Variants in IL17REL observed in about 807,000 individuals in gnomAD.
IL17REL encodes the protein interleukin 17 receptor E like.
Under a neutral mutation model 49.0 loss-of-function variants are expected in IL17REL, and 36 were observed. The ratio of observed to expected loss-of-function variants is 0.73; its 90% CI spans 0.56 to 0.97. IL17REL has a LOEUF of 0.97. Ranked by LOEUF, IL17REL falls within the 50% of genes least tolerant of loss-of-function variation. The pLI, the probability that IL17REL is intolerant of heterozygous loss-of-function variation, is 0.00. For missense variants in IL17REL, 470 were observed against 453.9 expected, an observed-to-expected ratio of 1.04 and a Z score of -0.32; for synonymous variants, 206 against 192.4, an observed-to-expected ratio of 1.07 and a Z score of -0.58.
exon 11 of IL17REL, chr22:49,997,354 C>G: frequency 6.2e-7 from 1 of 1,613,742 alleles, no homozygotes; most frequent in South Asian, 1.1e-5. Flanking sequence ...CTGGAGTGTG[C>G]GTTGGCAGGC....
chr22:49,998,580 GGT>G (rs779110264), intron 7 of IL17REL, among the ~76,000 whole-genome samples: 1 of 151,476 alleles, frequency 6.6e-6, no homozygotes. Flanking sequence ...CCTGTGCATG[GGT>G]GTGTGTATGT....
downstream of IL17REL, among the ~76,000 whole-genome samples, chr22:49,994,160 C>T (rs1397185633): frequency 1.3e-5 from 2 of 152,196 alleles, no homozygotes; most frequent in African/African-American, 4.8e-5. Context: ...GGGAGGGACA[C>T]CCTGTCCATG....
chr22:49,997,245 A>G, intron 11 of IL17REL, 75 bp downstream of exon 13: 1 of 1,495,914 alleles, frequency 6.7e-7, no homozygotes, highest in Non-Finnish European at 9.2e-7. Flanking sequence ...GGCAGAGACC[A>G]CCACAGGGAA....
chr22:49,998,832 CATGTGT>C (rs963543421), intron 7 of IL17REL, among the ~76,000 whole-genome samples: 20 of 150,294 alleles, frequency 1.3e-4, no homozygotes, highest in Non-Finnish European at 2.5e-4. Flanking sequence ...TGTGCGTGTG[CATGTGT>C]ATGTGTGTGC....
In IL17REL at chr22:50,005,768, G is replaced by A. The variant is rs1052548736; in HGVS notation, c.-42+2869C>T. ...TGCAGTGAGCCGAGATTGCGCCACTGTACTCCAGCCTGGGCAACAAAGCGA... is the reference window on the plus strand; with the variant it reads ...TGCAGTGAGCCGAGATTGCGCCACTATACTCCAGCCTGGGCAACAAAGCGA... On this transcript the variant is annotated intron_variant, in intron 1 of 12. Transcript: ENST00000341280. Among the ~76,000 whole-genome samples the A allele has an allele frequency of 3.9e-5, 6 of 152,006 alleles. No homozygotes were observed. In the East Asian group the frequency reaches 1.2e-3, roughly 29 times the overall value.
intron 12 of IL17REL, 46 bp from the exon 15 acceptor site, chr22:49,996,906 C>CGGGGATG: frequency 1.5e-6 from 1 of 672,572 alleles, no homozygotes; most frequent in Non-Finnish European, 2.5e-6. Flanking sequence ...CTGCTTCCCC[C>CGGGGATG]GGGGATGGGG....
exon 8 of IL17REL, chr22:49,998,199 G>A (rs535702206): frequency 1.1e-5 from 18 of 1,611,838 alleles, no homozygotes; most frequent in East Asian, 4.5e-5. Context: ...GGCCCCGGGC[G>A]CCAGCACAGG....
downstream of IL17REL, among the ~76,000 whole-genome samples, chr22:49,992,236 C>T (rs117874598): frequency 6.6e-6 from 1 of 152,290 alleles, no homozygotes; most frequent in East Asian, 1.9e-4. Flanking sequence ...TTCACACTTG[C>T]GTGCCAGGAC....
At chr22:49,999,598 G>T (rs1214855873) in intron 5 of IL17REL, 96 bp from the exon 8 acceptor site, 2 of 997,030 alleles carry the variant, frequency 2.0e-6, no homozygotes, top group African/African-American at 3.3e-5. Flanking sequence ...GAGCGGGGAC[G>T]GGAGGTGGGT....
At chr22:49,995,301 A>C (rs2061028272) in exon 13 of IL17REL, 1 of 152,594 alleles carries the variant, frequency 6.6e-6, no homozygotes, top group Admixed American at 6.5e-5. Context: ...GGGGTCCAGC[A>C]CCTGGGCCAT....
At chr22:50,000,483 A>G in exon 4 of IL17REL, 1 of 1,612,190 alleles carries the variant, frequency 6.2e-7, no homozygotes, top group Non-Finnish European at 8.5e-7. Flanking sequence ...CCTACCTTCC[A>G]CGAGGTGCCT....
At chr22:50,002,103 T>A (rs1323397492) in intron 1 of IL17REL, among the ~76,000 whole-genome samples, 1 of 152,180 alleles carries the variant, frequency 6.6e-6, no homozygotes, top group Non-Finnish European at 1.5e-5. Flanking sequence ...ACAGCCTCCC[T>A]CCTGTGATAA....
intron 1 of IL17REL, among the ~76,000 whole-genome samples, chr22:50,006,521 G>A (rs1257848906): frequency 3.3e-5 from 5 of 152,072 alleles, no homozygotes. Flanking sequence ...CAAGCCACAG[G>A]CCAAGCAGGC....
At position 50,001,380 on chromosome 22, in the gene IL17REL, G is replaced by A. The variant is rs549707765; in HGVS notation, c.-41-149C>T. ...TTGCCCCAGGCCAACTGGAGAGCAA[G>A]TCCCCTGGCATGTGGTGAGCCCCCA... On this transcript the variant is annotated intron_variant, in intron 1 of 12. Transcript: ENST00000341280. 5.2e-6 allele frequency: 3 copies of A among 581,692 alleles called. No homozygotes were observed. The South Asian group carries it at 6.2e-5, about 12-fold the overall frequency. 36.0% of individuals were successfully genotyped at this position (581,692 alleles called of 1,614,324 possible).
intron 1 of IL17REL, among the ~76,000 whole-genome samples, chr22:50,005,039 G>C (rs1458324529): frequency 6.7e-6 from 1 of 148,674 alleles, no homozygotes; most frequent in East Asian, 2.0e-4. Flanking sequence ...AGGAAAATGA[G>C]GACATATACA....
Position 50,000,606 on chromosome 22 carries a change from G to A in IL17REL, c.220-14C>T. 1 of 1,605,456 alleles carries A rather than the reference G, an allele frequency of 6.2e-7. No individual in the cohort carries two copies. The highest frequency in any genetic ancestry group is 8.5e-7 in the Non-Finnish European group (1 of 1,172,914). ...GTGCACTTGGAGCTGAGCAGGTGCA[G>A]GTGTGAGCTGCGTGGACTCAGAGGC... On this transcript the variant is annotated splice_polypyrimidine_tract_variant and intron_variant, in intron 3 of 12. Transcript: ENST00000341280.
At chr22:50,010,752 C>T (rs904131489), upstream of IL17REL, among the ~76,000 whole-genome samples, 12 of 151,396 alleles carry the variant, frequency 7.9e-5, no homozygotes, top group Non-Finnish European at 1.2e-4. Context: ...GGTTCTGCCC[C>T]GCCCCTGCCC....
chr22:49,997,865 AG>A, intron 9 of IL17REL, 123 bp from the exon 12 acceptor site: 1 of 1,361,482 alleles, frequency 7.3e-7, no homozygotes, highest in Non-Finnish European at 1.0e-6. Flanking sequence ...TCTCCTCCTT[AG>A]GCCCTTAGCT....
chr22:49,999,805 G>A, intron 5 of IL17REL, 23 bp downstream of exon 7: 1 of 1,484,436 alleles, frequency 6.7e-7, no homozygotes, highest in Non-Finnish European at 9.0e-7. Context: ...AGGCTGACCG[G>A]GGCCCGGGGC....
Sources: gnomAD v4.1 joint callset for allele counts (sites outside exome capture counted in the v4.1 genomes callset) on GRCh38, gnomAD v4.1.1 for gene constraint, MANE v1.5 for transcripts, NCBI Gene and HGNC (gene_info 2026-07-23, HGNC 2026-07-21) for gene names.